Variants in PRKCA observed in about 807,000 individuals in gnomAD.
The protein encoded by PRKCA is protein kinase C alpha type.
In PRKCA, 27 loss-of-function variants were observed where a neutral mutation model predicts 87.0. That is an observed-to-expected ratio of 0.31 (90% CI 0.23 to 0.43). The LOEUF (loss-of-function observed/expected upper bound fraction) is 0.43, where lower values mean the gene tolerates loss of function less well. PRKCA is among the 20% of genes least tolerant of loss of function. PRKCA has a pLI of 1.00. For synonymous variants in PRKCA, 329 were observed against 311.1 expected (o/e 1.06, Z -0.61); for missense variants, 518 against 852.3 (o/e 0.61, Z 4.88).
chr17:66,315,465 A>G (rs1447710598), intron 2 of PRKCA, among the ~76,000 whole-genome samples: 2 of 143,080 alleles, frequency 1.4e-5, no homozygotes, highest in Admixed American at 7.7e-5. Flanking sequence ...GGTATTAAAG[A>G]ATGAAGTGTT....
chr17:66,609,336 A>G (rs1254154201), intron 3 of PRKCA, among the ~76,000 whole-genome samples: 1 of 152,202 alleles, frequency 6.6e-6, no homozygotes, highest in African/African-American at 2.4e-5. Flanking sequence ...GTGTGAGGCC[A>G]CTGGTAAATG....
At position 66,809,024 on chromosome 17, in the gene PRKCA, A is replaced by C. The variant is rs1976106540; in HGVS notation, c.*4987A>C. 6.6e-6 allele frequency: 1 copy of C among 152,246 alleles called. No individual in the cohort carries two copies. The highest frequency in any genetic ancestry group is 2.4e-5 in the African/African-American group (1 of 41,452). The allele number at this position is 152,246 out of a possible 1,614,324, so 9.4% of individuals were successfully genotyped here. A position where few individuals can be genotyped will look rare whatever the true frequency, so the allele number is the denominator to read the frequency against. ...ACGCCCAGCCAAAATATTTTTTTAA[A>C]GTCATTTTCCTTAAGCTGCTTGGGC... On this transcript the variant is annotated 3_prime_UTR_variant, in exon 17 of 17. Transcript: ENST00000413366.
intron 5 of PRKCA, among the ~76,000 whole-genome samples, chr17:66,663,302 T>C (rs1971957200): frequency 1.3e-5 from 2 of 152,248 alleles, no homozygotes; most frequent in South Asian, 4.1e-4. Context: ...GGCGAGGGGT[T>C]GGGAGGAACC....
chr17:66,473,903 C>T lies in PRKCA; in HGVS notation c.206-22298C>T, dbSNP rs1915431830. Among the ~76,000 whole-genome samples, 5 of 152,186 alleles carry T rather than the reference C, an allele frequency of 3.3e-5. No individual in the cohort carries two copies. In the South Asian group the frequency reaches 1.0e-3, roughly 32 times the overall value. ...GAGCCGAGATCACGCCATTGCACTC[C>T]AGTCTGGTTCTGGGCAACAAGAGTG... On this transcript the variant is annotated intron_variant, in intron 2 of 16. Transcript: ENST00000413366.
At chr17:66,802,092 G>A (rs538608355) in intron 16 of PRKCA, among the ~76,000 whole-genome samples, 8 of 152,158 alleles carry the variant, frequency 5.3e-5, no homozygotes, top group South Asian at 2.1e-4. Flanking sequence ...GTGGTGGTGC[G>A]CACCCGCAGT....
chr17:66,427,173 A>G (rs1598662695), intron 2 of PRKCA, among the ~76,000 whole-genome samples: 1 of 152,140 alleles, frequency 6.6e-6, no homozygotes, highest in East Asian at 1.9e-4. Flanking sequence ...CTGGGACTAC[A>G]GGTGTGTGCC....
At chr17:66,434,127 G>A (rs1913243349) in intron 2 of PRKCA, among the ~76,000 whole-genome samples, 1 of 151,922 alleles carries the variant, frequency 6.6e-6, no homozygotes, top group South Asian at 2.1e-4. Context: ...GTCACCCTGG[G>A]CTTGTCAGGT....
intron 3 of PRKCA, among the ~76,000 whole-genome samples, chr17:66,624,143 A>T (rs755930507): frequency 3.3e-5 from 5 of 151,992 alleles, no homozygotes; most frequent in Non-Finnish European, 7.4e-5. Flanking sequence ...CAAAGGAGTG[A>T]TGCATGCCAG....
chr17:66,692,256 T>G (rs1297404538), intron 8 of PRKCA, among the ~76,000 whole-genome samples: 1 of 152,230 alleles, frequency 6.6e-6, no homozygotes, highest in Non-Finnish European at 1.5e-5. Context: ...CAGCTTATAG[T>G]TCCTAGATTT....
chr17:66,724,295 CAA>C (rs11445685), intron 8 of PRKCA, among the ~76,000 whole-genome samples: 3 of 137,210 alleles, frequency 2.2e-5, no homozygotes, highest in Admixed American at 7.3e-5. Flanking sequence ...GACTCCATCT[CAA>C]AAAAAAAAAA....
chr17:66,476,406 C>T (rs532487760), intron 2 of PRKCA, among the ~76,000 whole-genome samples: 186 of 152,262 alleles, frequency 1.2e-3, no homozygotes, highest in Middle Eastern at 3.4e-3. Context: ...CTGGGTTTCC[C>T]GATTTACGGA....
At chr17:66,525,305 C>T (rs1212210969) in intron 3 of PRKCA, among the ~76,000 whole-genome samples, 1 of 152,128 alleles carries the variant, frequency 6.6e-6, no homozygotes, top group Non-Finnish European at 1.5e-5. Flanking sequence ...TCACCATCAG[C>T]ATCATATTTT....
intron 2 of PRKCA, among the ~76,000 whole-genome samples, chr17:66,454,357 C>T (rs1354941136): frequency 3.9e-5 from 6 of 152,100 alleles, no homozygotes; most frequent in African/African-American, 1.4e-4. Flanking sequence ...CAGGTAACAG[C>T]AAAGACCATG....
intron 2 of PRKCA, among the ~76,000 whole-genome samples, chr17:66,491,051 A>T (rs778838225): frequency 3.3e-5 from 5 of 152,202 alleles, no homozygotes; most frequent in Admixed American, 6.5e-5. Flanking sequence ...AAAGCCAGGC[A>T]ATGTCAAGAT....
chr17:66,410,854 G>C (rs770033842), intron 2 of PRKCA, among the ~76,000 whole-genome samples: 1 of 152,112 alleles, frequency 6.6e-6, no homozygotes, highest in Non-Finnish European at 1.5e-5. Context: ...GGGATTACAG[G>C]CGTGAGCCAC....
chr17:66,662,343 T>C (rs1184155449), intron 5 of PRKCA, among the ~76,000 whole-genome samples: 1 of 152,190 alleles, frequency 6.6e-6, no homozygotes, highest in Non-Finnish European at 1.5e-5. Flanking sequence ...CTCTACAACA[T>C]TGGCTGTCTT....
chr17:66,750,434 CTTTAAG>C (rs1343678654), intron 13 of PRKCA, among the ~76,000 whole-genome samples: 1 of 152,152 alleles, frequency 6.6e-6, no homozygotes, highest in East Asian at 1.9e-4. Flanking sequence ...TTGGGGTCTT[CTTTAAG>C]TTGTGCGATT....
At chr17:66,764,587 TATA>T (rs1481011553) in intron 13 of PRKCA, among the ~76,000 whole-genome samples, 1 of 152,216 alleles carries the variant, frequency 6.6e-6, no homozygotes, top group African/African-American at 2.4e-5. Context: ...CTCTTGTAAG[TATA>T]ATAATAATGA....
chr17:66,780,978 G>A (rs1475351546), intron 14 of PRKCA, among the ~76,000 whole-genome samples: 8 of 151,912 alleles, frequency 5.3e-5, no homozygotes, highest in East Asian at 1.9e-4. Context: ...GCGTGGTGAC[G>A]TGCACCTGTA....
Sources: allele counts gnomAD v4.1 joint callset (sites outside exome capture counted in the v4.1 genomes callset), GRCh38; gene constraint gnomAD v4.1.1; transcripts MANE v1.5; gene names NCBI Gene and HGNC (gene_info 2026-07-23, HGNC 2026-07-21).